Variants in COL22A1 observed in about 807,000 individuals in gnomAD.
The protein encoded by COL22A1 is collagen type XXII alpha 1 chain.
Under a neutral mutation model 248.9 loss-of-function variants are expected in COL22A1, and 221 were observed. That is an observed-to-expected ratio of 0.89 (90% CI 0.80 to 0.99). The LOEUF (loss-of-function observed/expected upper bound fraction) is 0.99, where lower values mean the gene tolerates loss of function less well. Ranked by LOEUF, COL22A1 falls within the 50% of genes least tolerant of loss-of-function variation. The probability of loss-of-function intolerance (pLI) is 0.00; values close to 1 mark genes in which losing one functional copy is unlikely to be tolerated. For missense variants in COL22A1, 2,240 were observed against 2,179.0 expected, an observed-to-expected ratio of 1.03 and a Z score of -0.56; for synonymous variants, 891 against 793.4, an observed-to-expected ratio of 1.12 and a Z score of -2.07.
chr8:138,712,822 TGTTCTACCAGCAGAGGGTAAGG>T (rs1201081780), intron 30 of COL22A1, among the ~76,000 whole-genome samples: 5 of 151,554 alleles, frequency 3.3e-5, no homozygotes, highest in Admixed American at 6.6e-5. Flanking sequence ...AGAGGGTAAG[TGTTCTACCAGCAGAGGGTAAGG>T]GTTCTACCAG....
Position 138,852,892 on chromosome 8 carries a change from C to T in COL22A1, c.659-8734G>A, listed in dbSNP as rs1429166913. Among the ~76,000 whole-genome samples the T allele has an allele frequency of 2.0e-5, 3 of 151,894 alleles. No individual in the cohort carries two copies. In the East Asian group the frequency reaches 5.8e-4, roughly 29 times the overall value. Reference sequence around the variant, plus strand: ...GCCCAGTGGCTCAGTCCTATAATCCCAGCATTTTGGGAAGCCAAGGTGGGT... The same window carrying T: ...GCCCAGTGGCTCAGTCCTATAATCCTAGCATTTTGGGAAGCCAAGGTGGGT... On this transcript the variant is annotated intron_variant, in intron 3 of 64. Transcript: ENST00000303045.
chr8:138,610,589 C>A (rs1442710004), intron 56 of COL22A1, among the ~76,000 whole-genome samples: 1 of 152,218 alleles, frequency 6.6e-6, no homozygotes, highest in Admixed American at 6.5e-5. Flanking sequence ...TATCAGATTC[C>A]TTATGATGTA....
chr8:138,822,033 T>TTCTTGTTTTG (rs1819182909), intron 6 of COL22A1, among the ~76,000 whole-genome samples: 1 of 150,048 alleles, frequency 6.7e-6, no homozygotes, highest in Non-Finnish European at 1.5e-5. Context: ...TACTTCCGAT[T>TTCTTGTTTTG]TTTTGTTTTG....
chr8:138,809,134 G>A (rs1817968856), intron 9 of COL22A1, among the ~76,000 whole-genome samples: 1 of 152,008 alleles, frequency 6.6e-6, no homozygotes, highest in African/African-American at 2.4e-5. Context: ...AGGTCATTGT[G>A]AAGTTCTTCC....
intron 1 of COL22A1, among the ~76,000 whole-genome samples, chr8:138,886,877 G>A (rs1824706222): frequency 6.6e-6 from 1 of 152,092 alleles, no homozygotes; most frequent in Non-Finnish European, 1.5e-5. Flanking sequence ...TGCTGGGGAT[G>A]TTTTCTCTCT....
At chr8:138,618,982 ACTT>A in intron 53 of COL22A1, among the ~76,000 whole-genome samples, 1 of 152,258 alleles carries the variant, frequency 6.6e-6, no homozygotes, top group Admixed American at 6.5e-5. Context: ...TAAAAACTTT[ACTT>A]CTTTGTTATA....
At chr8:138,678,729 C>A (rs2130816861) in intron 40 of COL22A1, among the ~76,000 whole-genome samples, 1 of 152,196 alleles carries the variant, frequency 6.6e-6, no homozygotes, top group East Asian at 1.9e-4. Flanking sequence ...TAGGTCCAGT[C>A]TCAGGACCAA....
intron 23 of COL22A1, among the ~76,000 whole-genome samples, chr8:138,730,743 G>A (rs993791118): frequency 6.6e-6 from 1 of 152,132 alleles, no homozygotes; most frequent in South Asian, 2.1e-4. Context: ...TCAGAGGAAG[G>A]CATGGTAGAG....
At position 138,737,050 on chromosome 8, in the gene COL22A1, C is replaced by T. The variant is rs1022257723; in HGVS notation, c.2139+474G>A. 5.9e-5 allele frequency among the ~76,000 whole-genome samples: 9 copies of T among 152,264 alleles called. No individual in the cohort carries two copies. In the South Asian group the frequency reaches 8.3e-4, roughly 14 times the overall value. The stretch of plus-strand genomic sequence containing the variant: ...TGCTGCTCCATGCCCTGTGCTCCAG[C>T]GGCACCACATGCTGCTCCATTCCTG... On this transcript the variant is annotated intron_variant, in intron 23 of 64. Transcript: ENST00000303045.
chr8:138,618,125 C>CTTTA (rs1819482874), intron 53 of COL22A1, among the ~76,000 whole-genome samples: 1 of 152,196 alleles, frequency 6.6e-6, no homozygotes, highest in Admixed American at 6.5e-5. Flanking sequence ...CTACCTTCTC[C>CTTTA]TTTAGTACTT....
intron 22 of COL22A1, among the ~76,000 whole-genome samples, chr8:138,744,536 G>C (rs1051490631): frequency 6.6e-6 from 1 of 152,028 alleles, no homozygotes; most frequent in African/African-American, 2.4e-5. Flanking sequence ...AAAGAGGGTG[G>C]AGAATTCAGA....
At chr8:138,844,353 A>G (rs1319553217) in intron 3 of COL22A1, among the ~76,000 whole-genome samples, 195 bp from the exon 4 acceptor site, 1 of 152,190 alleles carries the variant, frequency 6.6e-6, no homozygotes, top group African/African-American at 2.4e-5. Context: ...TTAAGCATCA[A>G]CTCTGCAAAT....
In COL22A1 at chr8:138,809,528, C is replaced by CTTTTTCTTTTTTTTT. The variant is rs1554633655; in HGVS notation, c.1450-1717_1450-1716insAAAAAAAAAGAAAAA. ...TTTCTTCTTCTCTTTTTTTCTTTTTCTTTTTTTTTTGAGACAGAGTCTCAC... is the reference window on the plus strand; with the variant it reads ...TTTCTTCTTCTCTTTTTTTCTTTTTCTTTTTCTTTTTTTTTTTTTTTTTTTGAGACAGAGTCTCAC... On this transcript the variant is annotated intron_variant, in intron 9 of 64. Coordinates refer to ENST00000303045, the MANE Select transcript of COL22A1 (RefSeq NM_152888.3). Among the ~76,000 whole-genome samples, 46 of 117,664 alleles carry CTTTTTCTTTTTTTTT rather than the reference C, an allele frequency of 3.9e-4. 2 individuals carry two copies. Among genetic ancestry groups the CTTTTTCTTTTTTTTT allele is most frequent in the African/African-American group, 1.2e-3 (36 of 30,174 alleles). 77.2% of individuals were successfully genotyped at this position (117,664 alleles called of 152,430 possible).
At chr8:138,714,565 ACTCTTGCTCTTCCTAG>A (rs1423703631) in intron 30 of COL22A1, among the ~76,000 whole-genome samples, 5 of 151,644 alleles carry the variant, frequency 3.3e-5, no homozygotes, top group African/African-American at 1.2e-4. Context: ...GTCCTTTCCC[ACTCTTGCTCTTCCTAG>A]TCCTGGAGGG....
intron 1 of COL22A1, among the ~76,000 whole-genome samples, chr8:138,887,229 GTT>G (rs1308143444): frequency 2.1e-5 from 3 of 139,790 alleles, no homozygotes; most frequent in Non-Finnish European, 3.1e-5. Context: ...GTCTCTCATT[GTT>G]TTTTTTTTTT....
chr8:138,652,379 A>C (rs1822816648), intron 45 of COL22A1, among the ~76,000 whole-genome samples: 1 of 152,222 alleles, frequency 6.6e-6, no homozygotes, highest in African/African-American at 2.4e-5. Flanking sequence ...CACAGAGTGA[A>C]AGCATAGTGA....
intron 20 of COL22A1, 69 bp from the exon 21 acceptor site, chr8:138,755,279 C>T: frequency 6.7e-7 from 1 of 1,486,954 alleles, no homozygotes; most frequent in Non-Finnish European, 9.4e-7. Context: ...CACCATCACC[C>T]ATGGCCCTCT....
chr8:138,881,361 C>T (rs1824189203), intron 2 of COL22A1, among the ~76,000 whole-genome samples: 1 of 148,262 alleles, frequency 6.7e-6, no homozygotes, highest in Non-Finnish European at 1.5e-5. Context: ...GTCAACTTTT[C>T]TTTTTTAAGT....
At chr8:138,902,446 C>T (rs1814652760) in intron 1 of COL22A1, among the ~76,000 whole-genome samples, 2 of 152,118 alleles carry the variant, frequency 1.3e-5, no homozygotes, top group Non-Finnish European at 2.9e-5. Flanking sequence ...GCCTGTAATG[C>T]CAGCACTTTG....
Sources: allele counts gnomAD v4.1 joint callset (sites outside exome capture counted in the v4.1 genomes callset), GRCh38; gene constraint gnomAD v4.1.1; transcripts MANE v1.5; gene names NCBI Gene and HGNC (gene_info 2026-07-23, HGNC 2026-07-21).